The following TMEM184A variants were observed in gnomAD, a reference collection of about 807,000 sequenced individuals.
TMEM184A encodes the protein sexually dimorphic, expressed in male gonads 1.
TMEM184A carries 40 observed loss-of-function variants against 39.5 expected under a neutral mutation model. The observed-to-expected ratio is 1.01, with a 90% CI of 0.79 to 1.32. The LOEUF (loss-of-function observed/expected upper bound fraction) is 1.32. Ranked by LOEUF, TMEM184A falls within the 40% of genes most tolerant of loss-of-function variation. The probability of loss-of-function intolerance (pLI) is 0.00; values close to 1 mark genes in which losing one functional copy is unlikely to be tolerated. For missense variants in TMEM184A, 603 were observed against 568.8 expected, an observed-to-expected ratio of 1.06 and a Z score of -0.61; for synonymous variants, 280 against 252.3, an observed-to-expected ratio of 1.11 and a Z score of -1.04.
At chr7:1,550,258 C>T in intron 4 of TMEM184A, 47 bp downstream of exon 4, 1 of 1,608,770 alleles carries the variant, frequency 6.2e-7, no homozygotes, top group Non-Finnish European at 8.5e-7. Flanking sequence ...GCCGGGCTCC[C>T]TGTCCCAGGT....
chr7:1,554,304 G>A (rs1778460924), intron 2 of TMEM184A, among the ~76,000 whole-genome samples: 1 of 152,134 alleles, frequency 6.6e-6, no homozygotes. Flanking sequence ...CTGCCTGCCA[G>A]TCTCCTGATG....
rs778348727 is a variant in TMEM184A at position 1,550,207 on chromosome 7, G to GA, written c.477-10dup. 2.0e-4 allele frequency: 328 copies of GA among 1,606,198 alleles called. No individual in the cohort carries two copies. The highest frequency in any genetic ancestry group is 2.7e-4 in the Non-Finnish European group (314 of 1,177,108). On this transcript the variant is annotated splice_polypyrimidine_tract_variant and intron_variant, in intron 4 of 8. Transcript: ENST00000297477. ...CGTACAAGCAGCTGGACCTGCGGGG[G>GA]ACGTCCCTGAGCCGGTGCGGGAGAA...
At chr7:1,547,318 C>A (rs1784390316) in intron 8 of TMEM184A, 137 bp from the exon 9 acceptor site, 2 of 624,598 alleles carry the variant, frequency 3.2e-6, no homozygotes, top group Non-Finnish European at 5.6e-6. Context: ...TGGCCCCAGA[C>A]CCCTGGACCC....
intron 6 of TMEM184A, chr7:1,549,264 G>A (rs1441014404): frequency 6.8e-6 from 2 of 292,454 alleles, no homozygotes; most frequent in East Asian, 1.3e-4. Flanking sequence ...ACAGGTGACA[G>A]CACATGTGTC....
chr7:1,548,882 G>A (rs1784462663), intron 6 of TMEM184A, 194 bp from the exon 7 acceptor site: 1 of 744,200 alleles, frequency 1.3e-6, no homozygotes, highest in Non-Finnish European at 2.3e-6. Flanking sequence ...GGGTGGCTGG[G>A]GGGCCTATGC....
At position 1,547,908 on chromosome 7, in the gene TMEM184A, C is replaced by T. The variant is rs1301579748; in HGVS notation, c.846G>A (p.Gly282=). 5.7e-6 allele frequency: 9 copies of T among 1,587,346 alleles called. No homozygotes were observed. Among genetic ancestry groups the T allele is most frequent in the Middle Eastern group, 1.7e-4 (1 of 5,778 alleles). The change falls in exon 8 of 9, where the codon GGG becomes GGA. Residue 282 remains glycine (G), a synonymous_variant. Transcript: ENST00000297477. ...CGCTGGTCTCCACCTCCGGGATGACCCCGCACCGCTCCAGGATGGCCAGCA... is the reference window on the plus strand; with the variant it reads ...CGCTGGTCTCCACCTCCGGGATGACTCCGCACCGCTCCAGGATGGCCAGCA... ...GLLLAILERC[G]VIPEVETSGG...
In TMEM184A at chr7:1,549,488, T is replaced by C. The variant is rs184301499; in HGVS notation, c.644+366A>G. ...GCTGGGCGGGGGCTGGGGCCATCAC[T>C]GCCTGGCCAGAAGCCCTGGGGTCCT... On this transcript the variant is annotated intron_variant, in intron 6 of 8. Transcript: ENST00000297477. The C allele has an allele frequency of 2.6e-3, 1,239 of 476,006 alleles. 4 individuals carry two copies. Among genetic ancestry groups the C allele is most frequent in the Non-Finnish European group, 2.7e-3 (618 of 230,892 alleles). The allele number at this position is 476,006 out of a possible 1,614,324, so 29.5% of individuals were successfully genotyped here.
In TMEM184A at chr7:1,550,346, G is replaced by A. The variant is rs201102985; in HGVS notation, c.435C>T (p.Gly145=). 70 of 1,613,018 alleles carry A rather than the reference G, an allele frequency of 4.3e-5. 1 individual carries two copies. In the Middle Eastern group the frequency reaches 1.2e-3, roughly 27 times the overall value. Residue 145 remains glycine (G), a synonymous_variant, in exon 4 of 9, where the codon GGC becomes GGT. Coordinates refer to ENST00000297477, the MANE Select transcript of TMEM184A (RefSeq NM_001097620.2). The part of the protein sequence containing the change: ...FLSLCFQYLG[G]EGAIMAEIRG... ...GAATCTCAGCCATGATGGCGCCCTCGCCTCCCAGGTACTGGAAACACAGGC... is the reference window on the plus strand; with the variant it reads ...GAATCTCAGCCATGATGGCGCCCTCACCTCCCAGGTACTGGAAACACAGGC...
rs1212841118 is a variant in TMEM184A at position 1,555,276 on chromosome 7, G to A, written c.209C>T (p.Thr70Ile). Reference sequence around the variant, plus strand: ...GGCGGAAGGGCTTACCTGGTGGCAGGTGAGCACCAGGGCAGTCCACACGAA... The same window carrying A: ...GGCGGAAGGGCTTACCTGGTGGCAGATGAGCACCAGGGCAGTCCACACGAA... Reference protein sequence around the residue: ...GIFVWTALVLTCHQIYLHLRS... With the variant: ...GIFVWTALVLICHQIYLHLRS... Residue 70 changes from threonine to isoleucine, a missense_variant, in exon 2 of 9, where the codon ACC becomes ATC. By Grantham distance (89) the Thr-to-Ile change is moderately conservative. Coordinates refer to ENST00000297477, the MANE Select transcript of TMEM184A (RefSeq NM_001097620.2). This position sits in a 1 kb window ranked among gnomAD's most constrained non-coding sequence, Gnocchi z 5.2. The A allele has an allele frequency of 1.2e-6, 2 of 1,604,576 alleles. No homozygotes were observed. Among genetic ancestry groups the A allele is most frequent in the Non-Finnish European group, 1.7e-6 (2 of 1,175,484 alleles).
Position 1,555,168 on chromosome 7 carries a change from C to T in TMEM184A, c.219+98G>A, listed in dbSNP as rs1778504061. The T allele has an allele frequency of 3.9e-6, 4 of 1,015,012 alleles. No individual in the cohort carries two copies. The highest frequency in any genetic ancestry group is 3.5e-5 in the South Asian group (2 of 56,484). The allele number at this position is 1,015,012 out of a possible 1,614,324, so 62.9% of individuals were successfully genotyped here. A position where few individuals can be genotyped will look rare whatever the true frequency, so the allele number is the denominator to read the frequency against. On this transcript the variant is annotated intron_variant, in intron 2 of 8. Coordinates refer to ENST00000297477, the MANE Select transcript of TMEM184A (RefSeq NM_001097620.2). This position sits in a 1 kb window ranked among gnomAD's most constrained non-coding sequence, Gnocchi z 5.2. ...CCCTGGCCGATCCCACTTCTGACAG[C>T]GTCTATAGCAGCGGCACCCAGGGGG...
In TMEM184A at chr7:1,550,143, A is replaced by C; in HGVS notation, c.532T>G (p.Phe178Val). 1 of 1,606,882 alleles carries C rather than the reference A, an allele frequency of 6.2e-7. No homozygotes were observed. The highest frequency in any genetic ancestry group is 1.1e-5 in the South Asian group (1 of 90,296). The change falls in exon 5 of 9, where the codon TTC becomes GTC. Residue 178 changes from phenylalanine to valine, a missense_variant. Transcript: ENST00000297477. ...CTCACCTGCTTACAGAAGCGCAGGAACCCGATGGAGTAGGTCATGCCCCGG... is the reference window on the plus strand; with the variant it reads ...CTCACCTGCTTACAGAAGCGCAGGACCCCGATGGAGTAGGTCATGCCCCGG... ...CLRGMTYSIG[F>V]LRFCKQATLQ...
chr7:1,544,986 GC>G lies in TMEM184A; in HGVS notation c.*1965del, dbSNP rs1257796069. ...AGCCCCTGACACCTCAGCCTCTGCC[GC>G]CCGGAGCCCAGGCGGTGTCTGGGTC... On this transcript the variant is annotated 3_prime_UTR_variant, in exon 9 of 9. Transcript: ENST00000297477. 4 of 152,238 alleles carry G rather than the reference GC, an allele frequency of 2.6e-5. No homozygotes were observed. The highest frequency in any genetic ancestry group is 4.4e-5 in the Non-Finnish European group (3 of 68,062). The allele number at this position is 152,238 out of a possible 1,614,324, so 9.4% of individuals were successfully genotyped here. A position where few individuals can be genotyped will look rare whatever the true frequency, so the allele number is the denominator to read the frequency against.
At chr7:1,549,454 G>A (rs572767288) in intron 6 of TMEM184A, 7 of 434,840 alleles carry the variant, frequency 1.6e-5, no homozygotes, top group African/African-American at 1.5e-4. Context: ...AATGCCAAGA[G>A]TGCTCAAGGC....
rs375684215 is a variant in TMEM184A, at chr7:1,550,875, G to A, written c.327C>T (p.Leu109=). 4 of 1,613,770 alleles carry A rather than the reference G, an allele frequency of 2.5e-6. No individual in the cohort carries two copies. Among genetic ancestry groups the A allele is most frequent in the Non-Finnish European group, 3.4e-6 (4 of 1,179,978 alleles). ...CGTAGTACTGGTGGTCTCCGAGGAGGAGGAGGCTGAGCCAGGAGTCGAAGG... is the reference window on the plus strand; with the variant it reads ...CGTAGTACTGGTGGTCTCCGAGGAGAAGGAGGCTGAGCCAGGAGTCGAAGG... ...IYAFDSWLSL[L]LLGDHQYYVY... is the part of the protein sequence containing the mutation. The change falls in exon 3 of 9, where the codon CTC becomes CTT. Residue 109 remains leucine (L), a synonymous_variant. Coordinates refer to ENST00000297477, the MANE Select transcript of TMEM184A (RefSeq NM_001097620.2).
chr7:1,555,546 G>A lies in TMEM184A; in HGVS notation c.1-62C>T. On this transcript the variant is annotated intron_variant, in intron 1 of 8. Transcript: ENST00000297477. This position sits in a 1 kb window ranked among gnomAD's most constrained non-coding sequence, Gnocchi z 5.2. ...AGGGCAAAGGTACTGGCTCCCGGCA[G>A]CAGGAAGCAGCGGGGGAGGGAGGAG... is the stretch of plus-strand genomic sequence containing the variant. 7 of 1,317,258 alleles carry A rather than the reference G, an allele frequency of 5.3e-6. No homozygotes were observed. Among genetic ancestry groups the A allele is most frequent in the Admixed American group, 3.4e-5 (2 of 58,698 alleles). The allele number at this position is 1,317,258 out of a possible 1,614,324, so 81.6% of individuals were successfully genotyped here.
rs1288366744 is a variant in TMEM184A, at chr7:1,550,163, C to T, written c.512G>A (p.Gly171Asp). The T allele has an allele frequency of 8.1e-6, 13 of 1,607,484 alleles. No individual in the cohort carries two copies. The highest frequency in any genetic ancestry group is 4.4e-5 in the South Asian group (4 of 90,416). Residue 171 changes from glycine to aspartate, a missense_variant, in exon 5 of 9, where the codon GGC (glycine) becomes GAC (aspartate). Transcript: ENST00000297477. ...SCLYGTCCLRGMTYSIGFLRF... is the reference protein window; with the variant it reads ...SCLYGTCCLRDMTYSIGFLRF... The stretch of plus-strand genomic sequence containing the variant: ...CAGGAACCCGATGGAGTAGGTCATG[C>T]CCCGGAGGCAGCAGGTGCCGTACAA...
intron 8 of TMEM184A, 52 bp downstream of exon 8, chr7:1,547,690 C>T (rs1316632162): frequency 1.3e-6 from 2 of 1,543,680 alleles, no homozygotes; most frequent in Non-Finnish European, 1.8e-6. Context: ...AGACACGGTG[C>T]CCGGGGCAGG....
In TMEM184A at chr7:1,542,733, G is replaced by C. The variant is rs939160175; in HGVS notation, c.*4219C>G. 1 of 152,546 alleles carries C rather than the reference G, an allele frequency of 6.6e-6. No homozygotes were observed. The highest frequency in any genetic ancestry group is 2.4e-5 in the African/African-American group (1 of 41,450). 9.4% of individuals were successfully genotyped at this position (152,546 alleles called of 1,614,324 possible). A position where few individuals can be genotyped will look rare whatever the true frequency, so the allele number is the denominator to read the frequency against. ...TCACGTGGGTTTGTTTTCTGTCTCC[G>C]TGCCTCCGGCTTCCCAAAGAGATCC... On this transcript the variant is annotated 3_prime_UTR_variant, in exon 9 of 9. Coordinates refer to ENST00000297477, the MANE Select transcript of TMEM184A (RefSeq NM_001097620.2).
chr7:1,547,122 C>T lies in TMEM184A; in HGVS notation c.1072G>A (p.Asp358Asn). ...SGIRETVSPQ[D>N]IVQDAIHNFS... ...TTGTGGATGGCGTCCTGCACGATGT[C>T]CTGGGGGCTCACTGTCTCCCTGATG... The change falls in exon 9 of 9, where the codon GAC (aspartate) becomes AAC (asparagine). Residue 358 changes from aspartate to asparagine, a missense_variant. Asp to Asn is a conservative substitution (Grantham distance 23). Coordinates refer to ENST00000297477, the MANE Select transcript of TMEM184A (RefSeq NM_001097620.2). The T allele has an allele frequency of 1.9e-6, 3 of 1,609,870 alleles. No individual in the cohort carries two copies. The highest frequency in any genetic ancestry group is 1.1e-5 in the South Asian group (1 of 91,064).
Sources: allele counts gnomAD v4.1 joint callset (sites outside exome capture counted in the v4.1 genomes callset), GRCh38; gene constraint gnomAD v4.1.1; non-coding constraint Gnocchi (gnomAD v3.1); transcripts MANE v1.5; gene names NCBI Gene and HGNC (gene_info 2026-07-23, HGNC 2026-07-21).